The following SPRYD7 variants were observed in gnomAD, a reference collection of about 807,000 sequenced individuals.
SPRYD7 encodes the protein SPRY domain containing 7.
Under a neutral mutation model 23.8 loss-of-function variants are expected in SPRYD7, and 14 were observed. The ratio of observed to expected loss-of-function variants is 0.59; its 90% CI spans 0.39 to 0.92. The LOEUF is 0.92. Among genes scored for constraint, SPRYD7 ranks in the 40% least tolerant of loss-of-function variants. The pLI is 0.00. For synonymous variants in SPRYD7, 75 were observed against 84.9 expected (o/e 0.88, Z 0.64); for missense variants, 194 against 241.7 (o/e 0.80, Z 1.31).
chr13:49,918,647 G>A (rs1301643244), intron 4 of SPRYD7, among the ~76,000 whole-genome samples: 1 of 151,414 alleles, frequency 6.6e-6, no homozygotes, highest in Non-Finnish European at 1.5e-5. Context: ...CAAACTGCTG[G>A]GATTACAGGC....
At chr13:49,929,796 T>G (rs1955926843) in intron 2 of SPRYD7, among the ~76,000 whole-genome samples, 1 of 146,634 alleles carries the variant, frequency 6.8e-6, no homozygotes, top group Non-Finnish European at 1.5e-5. Flanking sequence ...CCCAGCCACT[T>G]TTTTTTTTTT....
chr13:49,923,490 C>T (rs1218798535), intron 3 of SPRYD7, among the ~76,000 whole-genome samples: 3 of 152,242 alleles, frequency 2.0e-5, no homozygotes, highest in African/African-American at 4.8e-5. Context: ...ATGATCTGCC[C>T]GCCTCGGTCT....
At chr13:49,934,380 C>T (rs558755804) in intron 1 of SPRYD7, among the ~76,000 whole-genome samples, 1 of 151,926 alleles carries the variant, frequency 6.6e-6, no homozygotes, top group African/African-American at 2.4e-5. Context: ...CATGGTGAAA[C>T]TCTGTCTCTA....
At chr13:49,925,093 C>A (rs35097494) in intron 3 of SPRYD7, among the ~76,000 whole-genome samples, 1 of 151,638 alleles carries the variant, frequency 6.6e-6, no homozygotes, top group Non-Finnish European at 1.5e-5. Context: ...TAGAGCAGTG[C>A]CCATAATAAA....
rs1955725874 is a variant in SPRYD7 at position 49,914,130 on chromosome 13, A to AAGGACAGTGATTCTT, written c.*918_*932dup. 6.5e-6 allele frequency: 1 copy of AAGGACAGTGATTCTT among 153,736 alleles called. No individual in the cohort carries two copies. The highest frequency in any genetic ancestry group is 1.5e-5 in the Non-Finnish European group (1 of 68,040). 9.5% of individuals were successfully genotyped at this position (153,736 alleles called of 1,614,324 possible). A position where few individuals can be genotyped will look rare whatever the true frequency, so the allele number is the denominator to read the frequency against. On this transcript the variant is annotated 3_prime_UTR_variant, in exon 5 of 5. Coordinates refer to ENST00000361840, the MANE Select transcript of SPRYD7 (RefSeq NM_020456.4). ...GGTTCAGGTCACAGGGCGTTAACTA[A>AAGGACAGTGATTCTT]AGGACAGTGATTCTTAAGAACCAGG... is the stretch of plus-strand genomic sequence containing the variant.
intron 1 of SPRYD7, among the ~76,000 whole-genome samples, chr13:49,934,040 G>A (rs1490317620): frequency 2.0e-5 from 3 of 150,410 alleles, no homozygotes; most frequent in African/African-American, 4.9e-5. Flanking sequence ...GAAGTATACA[G>A]ACAATTTTGT....
intron 3 of SPRYD7, among the ~76,000 whole-genome samples, chr13:49,924,108 G>A (rs936679451): frequency 1.9e-4 from 29 of 151,366 alleles, no homozygotes; most frequent in African/African-American, 6.1e-4. Context: ...TCAGCCTCCC[G>A]AGTAGCTGGG....
chr13:49,935,843 A>C (rs1370317934), intron 1 of SPRYD7: 1 of 272,014 alleles, frequency 3.7e-6, no homozygotes, highest in African/African-American at 2.2e-5. Context: ...CCCTCGCCCG[A>C]GGACGTGTGA....
At chr13:49,931,775 C>T (rs545546402) in intron 1 of SPRYD7, among the ~76,000 whole-genome samples, 1 of 152,048 alleles carries the variant, frequency 6.6e-6, no homozygotes, top group Admixed American at 6.6e-5. Flanking sequence ...CTTGCAAAAC[C>T]CCATCTCTAT....
Position 49,936,276 on chromosome 13 carries a change from G to A in SPRYD7, c.-41C>T, listed in dbSNP as rs748676074. The A allele has an allele frequency of 5.5e-6, 8 of 1,447,710 alleles. No homozygotes were observed. The highest frequency in any genetic ancestry group is 7.6e-6 in the Non-Finnish European group (8 of 1,059,214). The allele number at this position is 1,447,710 out of a possible 1,614,324, so 89.7% of individuals were successfully genotyped here. ...GACTCCGCCGCCGTCCCTAGACCGA[G>A]GCGACACTGCCCCCCGCCGCTCAGC... On this transcript the variant is annotated 5_prime_UTR_variant, in exon 1 of 5. Transcript: ENST00000361840.
At chr13:49,918,263 A>C (rs1028551078) in intron 4 of SPRYD7, among the ~76,000 whole-genome samples, 1 of 152,002 alleles carries the variant, frequency 6.6e-6, no homozygotes, top group Non-Finnish European at 1.5e-5. Context: ...TGTTCTCACT[A>C]TGTTGCTCAA....
intron 1 of SPRYD7, among the ~76,000 whole-genome samples, chr13:49,933,607 AAAAAAAAAG>A (rs377669098): frequency 5.7e-4 from 86 of 151,876 alleles, no homozygotes; most frequent in African/African-American, 2.0e-3. Context: ...CTCTCAAAAA[AAAAAAAAAG>A]AAAAAAAAAG....
chr13:49,934,526 G>GC (rs1174970380), intron 1 of SPRYD7, among the ~76,000 whole-genome samples: 1 of 129,910 alleles, frequency 7.7e-6, no homozygotes, highest in Non-Finnish European at 1.5e-5. Flanking sequence ...CAGCACTCCA[G>GC]CCTGGGCAAC....
At chr13:49,936,002 G>C (rs1594521552) in intron 1 of SPRYD7, 128 bp downstream of exon 1, 1 of 532,732 alleles carries the variant, frequency 1.9e-6, no homozygotes, top group African/African-American at 2.0e-5. Context: ...TCTGCGAGAC[G>C]AAATGGTGTC....
chr13:49,924,974 C>T (rs1324539018), intron 3 of SPRYD7, among the ~76,000 whole-genome samples: 7 of 124,632 alleles, frequency 5.6e-5, no homozygotes, highest in African/African-American at 2.3e-4. Context: ...AAAACTCCAT[C>T]TCAAAAAAAA....
rs1012268633 is a variant in SPRYD7, at chr13:49,913,250, T to A, written c.*1813A>T. 1 of 151,970 alleles carries A rather than the reference T, an allele frequency of 6.6e-6. No individual in the cohort carries two copies. The highest frequency in any genetic ancestry group is 2.4e-5 in the African/African-American group (1 of 41,338). The allele number at this position is 151,970 out of a possible 1,614,324, so 9.4% of individuals were successfully genotyped here. ...GCCTGGACAACATGGTGAAACCCCATCTCTACTAAAAATACAAAAATTACA... is the reference window on the plus strand; with the variant it reads ...GCCTGGACAACATGGTGAAACCCCAACTCTACTAAAAATACAAAAATTACA... On this transcript the variant is annotated 3_prime_UTR_variant, in exon 5 of 5. Coordinates refer to ENST00000361840, the MANE Select transcript of SPRYD7 (RefSeq NM_020456.4).
chr13:49,927,505 A>C (rs557016035), intron 3 of SPRYD7, among the ~76,000 whole-genome samples: 67 of 152,236 alleles, frequency 4.4e-4, no homozygotes, highest in South Asian at 6.2e-4. Context: ...AAAAAAAAAA[A>C]AACAAGAAGA....
At chr13:49,919,413 G>A (rs779404649) in intron 4 of SPRYD7, among the ~76,000 whole-genome samples, 8 of 152,102 alleles carry the variant, frequency 5.3e-5, no homozygotes, top group Non-Finnish European at 7.4e-5. Flanking sequence ...GTGTGGTGGT[G>A]CGTGCTTGTA....
intron 1 of SPRYD7, among the ~76,000 whole-genome samples, chr13:49,931,703 C>T (rs1034770478): frequency 2.6e-5 from 4 of 152,082 alleles, no homozygotes; most frequent in African/African-American, 9.7e-5. Flanking sequence ...AATCCCAGCA[C>T]TTTGGGAGGC....
Sources: gnomAD v4.1 joint callset for allele counts (sites outside exome capture counted in the v4.1 genomes callset) on GRCh38, gnomAD v4.1.1 for gene constraint, MANE v1.5 for transcripts, NCBI Gene and HGNC (gene_info 2026-07-23, HGNC 2026-07-21) for gene names.